Variants in PPAT observed in about 807,000 individuals in gnomAD.
PPAT encodes amidophosphoribosyltransferase.
PPAT carries 20 observed loss-of-function variants against 60.2 expected under a neutral mutation model. The observed-to-expected ratio is 0.33, with a 90% CI of 0.23 to 0.48. PPAT has a LOEUF of 0.48. Among genes scored for constraint, PPAT ranks in the 20% least tolerant of loss-of-function variants. The pLI, the probability that PPAT is intolerant of heterozygous loss-of-function variation, is 0.99. For missense variants in PPAT, 349 were observed against 629.6 expected (o/e 0.55, Z 4.77); for synonymous variants, 194 against 215.1 (o/e 0.90, Z 0.86).
intron 1 of PPAT, among the ~76,000 whole-genome samples, chr4:56,418,739 T>C (rs1399735460): frequency 1.3e-5 from 2 of 152,230 alleles, no homozygotes; most frequent in African/African-American, 4.8e-5. Context: ...ACTTCTTTTA[T>C]GAAAATGAAA....
chr4:56,405,027 AC>A (rs1317143125), intron 3 of PPAT, among the ~76,000 whole-genome samples: 1 of 152,130 alleles, frequency 6.6e-6, no homozygotes, highest in Non-Finnish European at 1.5e-5. Context: ...AAGAAACTCA[AC>A]ATTAATTAAT....
intron 1 of PPAT, chr4:56,421,339 A>T (rs1212735233): frequency 1.3e-5 from 2 of 154,588 alleles, no homozygotes; most frequent in Admixed American, 6.5e-5. Flanking sequence ...TAATTATTTC[A>T]TTATATATTA....
chr4:56,435,419 G>A lies in PPAT; in HGVS notation c.59C>T (p.Ser20Leu), dbSNP rs775798687. Residue 20 changes from serine to leucine, a missense_variant, in exon 1 of 11, where the codon TCA becomes TTA. This residue lies in a region of PPAT where 115 missense variants were observed against 174.5 expected (regional missense o/e 0.66). Transcript: ENST00000264220. ...ATCCAGCTGCGTGGGCCACTCTCCT[G>A]AGGCGATGCACCCGAACACGCCACA... The part of the protein sequence containing the change: ...EECGVFGCIA[S>L]GEWPTQLDVP... The A allele has an allele frequency of 1.2e-6, 2 of 1,613,762 alleles. No individual in the cohort carries two copies. Among genetic ancestry groups the A allele is most frequent in the African/African-American group, 2.7e-5 (2 of 74,886 alleles).
At chr4:56,402,499 G>T (rs1716137261) in intron 5 of PPAT, among the ~76,000 whole-genome samples, 1 of 152,046 alleles carries the variant, frequency 6.6e-6, no homozygotes, top group Non-Finnish European at 1.5e-5. Context: ...GGAAAAAATA[G>T]GAATCTCTAT....
rs540238141 is a variant in PPAT, at chr4:56,403,415, A to G, written c.403-14T>C. ...ATGACGCAGAAGCTATATAGAAAAA[A>G]AGAGAAGTTTAATCATCAGAGGGGA... On this transcript the variant is annotated splice_polypyrimidine_tract_variant and intron_variant, in intron 3 of 10. Transcript: ENST00000264220. 6.3e-6 allele frequency: 10 copies of G among 1,579,664 alleles called. No individual in the cohort carries two copies. The East Asian group carries it at 1.6e-4, about 25-fold the overall frequency.
intron 1 of PPAT, among the ~76,000 whole-genome samples, chr4:56,426,398 T>A (rs1717294677): frequency 6.7e-6 from 1 of 149,986 alleles, no homozygotes. Flanking sequence ...CAAGACTCTG[T>A]CTCAAAAAAA....
In PPAT at chr4:56,428,191, A is replaced by T. The variant is rs182630617; in HGVS notation, c.128+7159T>A. On this transcript the variant is annotated intron_variant, in intron 1 of 10. Transcript: ENST00000264220. ...TCACAGTTGCTTTAAGTGAATGATA[A>T]TCAAATACAAGATTTATCTATGTTT... is the stretch of plus-strand genomic sequence containing the variant. Among the ~76,000 whole-genome samples the T allele has an allele frequency of 1.8e-3, 272 of 152,342 alleles. 3 individuals carry two copies. Among genetic ancestry groups the T allele is most frequent in the African/African-American group, 6.5e-3 (269 of 41,572 alleles).
At chr4:56,414,646 G>C (rs1040566595) in intron 1 of PPAT, among the ~76,000 whole-genome samples, 55 of 152,352 alleles carry the variant, frequency 3.6e-4, no homozygotes, top group African/African-American at 1.2e-3. Flanking sequence ...AGAGGTTGGA[G>C]AGAGAGCTTT....
intron 1 of PPAT, among the ~76,000 whole-genome samples, chr4:56,433,933 G>A (rs979389148): frequency 5.9e-5 from 9 of 152,050 alleles, no homozygotes; most frequent in East Asian, 1.9e-4. Flanking sequence ...CTCGTGATCC[G>A]CCCGCCTCGG....
intron 1 of PPAT, among the ~76,000 whole-genome samples, chr4:56,417,728 A>T (rs1051245420): frequency 2.0e-5 from 3 of 152,176 alleles, no homozygotes; most frequent in African/African-American, 4.8e-5. Context: ...TCAAGGCTGC[A>T]GTGAGCCATG....
chr4:56,433,397 TAAA>T (rs34598008), intron 1 of PPAT, among the ~76,000 whole-genome samples: 4 of 118,250 alleles, frequency 3.4e-5, no homozygotes, highest in Non-Finnish European at 5.2e-5. Context: ...TGGTATTCAT[TAAA>T]AAAAAAAAAA....
At chr4:56,400,938 G>T (rs764459443) in intron 7 of PPAT, 27 bp from the exon 8 acceptor site, 2 of 1,590,588 alleles carry the variant, frequency 1.3e-6, no homozygotes, top group South Asian at 2.2e-5. Flanking sequence ...AGGAGAGAGA[G>T]TATTTTTACT....
chr4:56,395,560 G>A lies in PPAT; in HGVS notation c.1358-12C>T. ...AACACTGTTTGCTCCTAAAGAAAGA[G>A]GGAAAAATAAAAATGTAATAAGAAT... On this transcript the variant is annotated splice_polypyrimidine_tract_variant and intron_variant, in intron 10 of 10. Coordinates refer to ENST00000264220, the MANE Select transcript of PPAT (RefSeq NM_002703.5). 1 of 1,496,156 alleles carries A rather than the reference G, an allele frequency of 6.7e-7. No individual in the cohort carries two copies. Among genetic ancestry groups the A allele is most frequent in the Non-Finnish European group, 8.9e-7 (1 of 1,127,850 alleles). The allele number at this position is 1,496,156 out of a possible 1,614,324, so 92.7% of individuals were successfully genotyped here. A position where few individuals can be genotyped will look rare whatever the true frequency, so the allele number is the denominator to read the frequency against.
intron 1 of PPAT, among the ~76,000 whole-genome samples, chr4:56,423,984 A>G (rs1264561654): frequency 2.0e-5 from 3 of 152,208 alleles, no homozygotes; most frequent in Non-Finnish European, 4.4e-5. Context: ...AGGGAAAAAA[A>G]TTCACATGAA....
In PPAT at chr4:56,394,776, A is replaced by C. The variant is rs944938900; in HGVS notation, c.*576T>G. ...GAAGTGAAATGATGGCTCAAATCAC[A>C]AAAGTATGACACTTATTCACATTCT... On this transcript the variant is annotated 3_prime_UTR_variant, in exon 11 of 11. Transcript: ENST00000264220. The C allele has an allele frequency of 6.6e-6, 1 of 151,914 alleles. No homozygotes were observed. The highest frequency in any genetic ancestry group is 1.5e-5 in the Non-Finnish European group (1 of 68,010). 9.4% of individuals were successfully genotyped at this position (151,914 alleles called of 1,614,324 possible).
intron 1 of PPAT, chr4:56,419,777 G>C: frequency 1.0e-6 from 1 of 984,842 alleles, no homozygotes; most frequent in Non-Finnish European, 1.2e-6. Context: ...TGAGAAATAA[G>C]AGGATATTTC....
At chr4:56,418,952 T>C (rs1716904920) in intron 1 of PPAT, among the ~76,000 whole-genome samples, 1 of 152,176 alleles carries the variant, frequency 6.6e-6, no homozygotes, top group African/African-American at 2.4e-5. Context: ...TAAAAGAAAA[T>C]ACTTCATTTA....
At chr4:56,428,968 AG>A (rs1717434471) in intron 1 of PPAT, 1 of 979,188 alleles carries the variant, frequency 1.0e-6, no homozygotes, top group Non-Finnish European at 1.2e-6. Context: ...ACAAAAGCCA[AG>A]GAACTTTGAG....
intron 1 of PPAT, 21 bp downstream of exon 1, chr4:56,435,329 C>T: frequency 6.2e-7 from 1 of 1,612,792 alleles, no homozygotes; most frequent in Non-Finnish European, 8.5e-7. Flanking sequence ...ACGCCCCCGC[C>T]ACCCCCACCC....
Sources: gnomAD v4.1 joint callset for allele counts (sites outside exome capture counted in the v4.1 genomes callset) on GRCh38, gnomAD v4.1.1 for gene constraint, gnomAD v4.1.1 regional missense constraint, MANE v1.5 for transcripts, NCBI Gene and HGNC (gene_info 2026-07-23, HGNC 2026-07-21) for gene names.